The following KCNC2 variants were observed in gnomAD, a reference collection of about 807,000 sequenced individuals.
The protein encoded by KCNC2 is voltage-gated potassium channel KCNC2.
A neutral mutation model predicts 44.5 loss-of-function variants in KCNC2; 21 were observed. The ratio of observed to expected loss-of-function variants is 0.47; its 90% CI spans 0.33 to 0.68. KCNC2 has a LOEUF of 0.68. KCNC2 is among the 30% of genes least tolerant of loss of function. KCNC2 has a pLI of 0.01. For missense variants in KCNC2, 589 were observed against 826.2 expected (o/e 0.71, Z 3.52); for synonymous variants, 391 against 339.1 (o/e 1.15, Z -1.68).
intron 2 of KCNC2, among the ~76,000 whole-genome samples, chr12:75,090,055 A>C (rs954098792): frequency 3.3e-5 from 5 of 151,864 alleles, no homozygotes; most frequent in Admixed American, 6.6e-5. Flanking sequence ...TGAAAATAAT[A>C]TATCATTTTT....
intron 2 of KCNC2, among the ~76,000 whole-genome samples, chr12:75,204,780 T>A (rs968780601): frequency 6.6e-6 from 1 of 152,138 alleles, no homozygotes; most frequent in Non-Finnish European, 1.5e-5. Flanking sequence ...GGTAAAAATA[T>A]TAAGTCACTT....
intron 2 of KCNC2, among the ~76,000 whole-genome samples, chr12:75,118,506 G>A (rs17114649): frequency 0.037 from 5,694 of 151,964 alleles, 119 homozygotes; most frequent in East Asian, 0.062. Flanking sequence ...ATTAGGACAA[G>A]CATTACAAGC....
At chr12:75,181,099 A>G (rs1229903555) in intron 2 of KCNC2, among the ~76,000 whole-genome samples, 1 of 152,188 alleles carries the variant, frequency 6.6e-6, no homozygotes, top group East Asian at 1.9e-4. Flanking sequence ...AAAAGTAAGA[A>G]GCTTGACAAA....
intron 2 of KCNC2, among the ~76,000 whole-genome samples, chr12:75,170,530 C>A (rs1325572942): frequency 6.6e-6 from 1 of 151,722 alleles, no homozygotes; most frequent in African/African-American, 2.4e-5. Flanking sequence ...ATTCACTCAA[C>A]TAAATATGTT....
At chr12:75,201,237 G>A (rs1288516224) in intron 2 of KCNC2, among the ~76,000 whole-genome samples, 2 of 94,006 alleles carry the variant, frequency 2.1e-5, no homozygotes, top group Non-Finnish European at 4.0e-5. Context: ...GGAAAAAAAA[G>A]GGCAGAAAGT....
At chr12:75,093,783 G>T (rs1351564866) in intron 2 of KCNC2, among the ~76,000 whole-genome samples, 3 of 151,384 alleles carry the variant, frequency 2.0e-5, no homozygotes, top group Non-Finnish European at 4.4e-5. Context: ...AAAAATATTA[G>T]GACTAAAATC....
chr12:75,194,757 T>C (rs1270280197), intron 2 of KCNC2, among the ~76,000 whole-genome samples: 1 of 152,182 alleles, frequency 6.6e-6, no homozygotes. Context: ...GGAAAATGAC[T>C]AGGAGCATAG....
chr12:75,097,634 G>A (rs185699246), intron 2 of KCNC2, among the ~76,000 whole-genome samples: 1 of 152,100 alleles, frequency 6.6e-6, no homozygotes, highest in Admixed American at 6.6e-5. Context: ...TTACAAAAAA[G>A]GAATGAGAAG....
At chr12:75,133,088 C>T (rs1284288876) in intron 2 of KCNC2, among the ~76,000 whole-genome samples, 2 of 151,906 alleles carry the variant, frequency 1.3e-5, no homozygotes, top group Non-Finnish European at 2.9e-5. Context: ...CTATTATACC[C>T]TAGTTTTTCT....
chr12:75,177,657 A>G (rs553697386), intron 2 of KCNC2, among the ~76,000 whole-genome samples: 1 of 152,142 alleles, frequency 6.6e-6, no homozygotes, highest in Non-Finnish European at 1.5e-5. Context: ...TCCAGATATA[A>G]TATCATACAC....
chr12:75,185,744 TA>T (rs1892896120), intron 2 of KCNC2, among the ~76,000 whole-genome samples: 1 of 152,148 alleles, frequency 6.6e-6, no homozygotes, highest in Non-Finnish European at 1.5e-5. Flanking sequence ...TGTGTTAATT[TA>T]ATTATAAATT....
At chr12:75,156,669 T>C (rs1167142143) in intron 2 of KCNC2, among the ~76,000 whole-genome samples, 1 of 151,880 alleles carries the variant, frequency 6.6e-6, no homozygotes, top group Non-Finnish European at 1.5e-5. Flanking sequence ...CAATAAACTA[T>C]CTAAAGCACT....
intron 2 of KCNC2, among the ~76,000 whole-genome samples, chr12:75,155,676 C>G (rs948898136): frequency 6.6e-6 from 1 of 151,264 alleles, no homozygotes; most frequent in Non-Finnish European, 1.5e-5. Flanking sequence ...TACAGGTGGC[C>G]CTAACTAGAG....
intron 2 of KCNC2, among the ~76,000 whole-genome samples, chr12:75,137,865 A>C (rs546656373): frequency 1.3e-5 from 2 of 152,336 alleles, no homozygotes; most frequent in South Asian, 2.1e-4. Flanking sequence ...CTTGATACAA[A>C]AGAAGTGTGC....
chr12:75,175,648 G>A (rs1328631775), intron 2 of KCNC2, among the ~76,000 whole-genome samples: 1 of 152,028 alleles, frequency 6.6e-6, no homozygotes, highest in African/African-American at 2.4e-5. Context: ...AAGGAGTTAA[G>A]TTTGAAACAG....
chr12:75,055,095 C>A (rs991810592), intron 2 of KCNC2, among the ~76,000 whole-genome samples: 2 of 152,008 alleles, frequency 1.3e-5, no homozygotes, highest in African/African-American at 4.8e-5. Flanking sequence ...TTTTCCTTCA[C>A]TGAACTGAGA....
chr12:75,041,027 G>T lies in KCNC2; in HGVS notation c.*2078C>A. 1 of 1,205,318 alleles carries T rather than the reference G, an allele frequency of 8.3e-7. No homozygotes were observed. Among genetic ancestry groups the T allele is most frequent in the South Asian group, 1.2e-5 (1 of 81,188 alleles). The allele number at this position is 1,205,318 out of a possible 1,614,324, so 74.7% of individuals were successfully genotyped here. A position where few individuals can be genotyped will look rare whatever the true frequency, so the allele number is the denominator to read the frequency against. On this transcript the variant is annotated 3_prime_UTR_variant, in exon 5 of 5. Coordinates refer to ENST00000549446, the MANE Select transcript of KCNC2 (RefSeq NM_139137.4). ...GGGGAGCACCAGATGAGTTCCAGCC[G>T]CAGTTCTTTTATAAGCTTTAAGTGC...
At chr12:75,154,288 G>A (rs2137483906) in intron 2 of KCNC2, among the ~76,000 whole-genome samples, 1 of 152,014 alleles carries the variant, frequency 6.6e-6, no homozygotes, top group Non-Finnish European at 1.5e-5. Flanking sequence ...TGGAAGATTT[G>A]GATGACAGCA....
chr12:75,162,297 T>C (rs1359374839), intron 2 of KCNC2, among the ~76,000 whole-genome samples: 4 of 151,768 alleles, frequency 2.6e-5, no homozygotes, highest in Admixed American at 6.6e-5. Flanking sequence ...TCTTTATTTA[T>C]AAATTATTTA....
Sources: allele counts gnomAD v4.1 joint callset (sites outside exome capture counted in the v4.1 genomes callset), GRCh38; gene constraint gnomAD v4.1.1; transcripts MANE v1.5; gene names NCBI Gene and HGNC (gene_info 2026-07-23, HGNC 2026-07-21).